Variants in SGK1 observed in about 807,000 individuals in gnomAD.
SGK1 encodes the protein serine/threonine-protein kinase Sgk1.
In SGK1, 26 loss-of-function variants were observed where a neutral mutation model predicts 64.2. The ratio of observed to expected loss-of-function variants is 0.40; its 90% CI spans 0.30 to 0.56. The LOEUF is 0.56. Among genes scored for constraint, SGK1 ranks in the 20% least tolerant of loss-of-function variants. The pLI is 0.38. For synonymous variants in SGK1, 265 were observed against 239.7 expected (o/e 1.11, Z -0.98); for missense variants, 519 against 645.6 (o/e 0.80, Z 2.12).
intron 2 of SGK1, among the ~76,000 whole-genome samples, chr6:134,227,874 T>C (rs1417924108): frequency 6.6e-6 from 1 of 151,920 alleles, no homozygotes. Flanking sequence ...TAAATATATT[T>C]CTTTTAACTC....
intron 1 of SGK1, among the ~76,000 whole-genome samples, chr6:134,309,750 A>C (rs1777584577): frequency 6.6e-6 from 1 of 152,188 alleles, no homozygotes; most frequent in Admixed American, 6.5e-5. Flanking sequence ...ACGCTCAAAC[A>C]AGCTGACAAG....
chr6:134,272,442 C>G (rs1234538928), intron 1 of SGK1, among the ~76,000 whole-genome samples: 1 of 146,858 alleles, frequency 6.8e-6, no homozygotes. Context: ...GCGTGAGCCA[C>G]TGCGCCTGGC....
chr6:134,228,483 A>C (rs1051540876), intron 2 of SGK1, among the ~76,000 whole-genome samples: 4 of 152,254 alleles, frequency 2.6e-5, no homozygotes, highest in Non-Finnish European at 5.9e-5. Context: ...TGAATAAACA[A>C]GTATTTCTAA....
At chr6:134,215,413 G>C (rs1029777585) in intron 2 of SGK1, among the ~76,000 whole-genome samples, 1 of 151,766 alleles carries the variant, frequency 6.6e-6, no homozygotes, top group Non-Finnish European at 1.5e-5. Context: ...ACGGCGCCTG[G>C]CCGAGAGTAA....
In SGK1 at chr6:134,173,553, T is replaced by G; in HGVS notation, c.527A>C (p.Gln176Pro). 1 of 1,600,658 alleles carries G rather than the reference T, an allele frequency of 6.2e-7. No homozygotes were observed. Among genetic ancestry groups the G allele is most frequent in the East Asian group, 2.2e-5 (1 of 44,798 alleles). ...ANPSPPPSPS[Q>P]QINLGPSSNP... ...GGACGACGGGCCAAGGTTGATTTGCTGAGAAGGACTTGGCTAGAAAAAAAA... is the reference window on the plus strand; with the variant it reads ...GGACGACGGGCCAAGGTTGATTTGCGGAGAAGGACTTGGCTAGAAAAAAAA... Residue 176 changes from glutamine to proline, a missense_variant, in exon 6 of 14, where the codon CAG (glutamine) becomes CCG (proline). This residue lies in a region of SGK1 where 241 missense variants were observed against 236.9 expected (regional missense o/e 1.02). Coordinates refer to ENST00000367858, the MANE Select transcript of SGK1 (RefSeq NM_001143676.3).
chr6:134,184,420 G>C (rs1414311037), intron 3 of SGK1, among the ~76,000 whole-genome samples: 1 of 146,824 alleles, frequency 6.8e-6, no homozygotes, highest in Non-Finnish European at 1.5e-5. Flanking sequence ...CAGGAGAGTT[G>C]CTTGAACGCA....
chr6:134,190,393 C>A (rs1373359058), intron 3 of SGK1, among the ~76,000 whole-genome samples: 4 of 150,914 alleles, frequency 2.7e-5, no homozygotes, highest in African/African-American at 9.8e-5. Context: ...TCAAGTGATT[C>A]TCCTGCCTCA....
At chr6:134,302,668 C>T (rs1777475284) in intron 1 of SGK1, among the ~76,000 whole-genome samples, 1 of 152,126 alleles carries the variant, frequency 6.6e-6, no homozygotes, top group South Asian at 2.1e-4. Context: ...GTGCTTAGTG[C>T]GTACCAGGCA....
intron 1 of SGK1, among the ~76,000 whole-genome samples, chr6:134,286,874 A>T (rs951143754): frequency 6.6e-6 from 1 of 152,232 alleles, no homozygotes; most frequent in Non-Finnish European, 1.5e-5. Flanking sequence ...GAAAAAGACA[A>T]GGACTAGGGC....
At chr6:134,180,744 G>A (rs934041471) in intron 3 of SGK1, among the ~76,000 whole-genome samples, 1 of 151,962 alleles carries the variant, frequency 6.6e-6, no homozygotes, top group Non-Finnish European at 1.5e-5. Flanking sequence ...ATGGTGGCAC[G>A]CCTGTAGTCC....
intron 2 of SGK1, among the ~76,000 whole-genome samples, chr6:134,250,951 A>AT (rs1776597770): frequency 6.6e-6 from 1 of 151,910 alleles, no homozygotes. Context: ...ATTTCATCGT[A>AT]TTTTTTGTAG....
At chr6:134,228,156 T>C (rs573616618) in intron 2 of SGK1, among the ~76,000 whole-genome samples, 2 of 152,198 alleles carry the variant, frequency 1.3e-5, no homozygotes, top group East Asian at 1.9e-4. Context: ...GTTTTCACCA[T>C]GTTGGCCAGG....
chr6:134,287,959 T>C (rs1202151284), intron 1 of SGK1, among the ~76,000 whole-genome samples: 1 of 152,174 alleles, frequency 6.6e-6, no homozygotes, highest in Non-Finnish European at 1.5e-5. Context: ...TTATTTTGTC[T>C]TACACAAAGA....
chr6:134,235,589 T>A (rs1451447667), intron 2 of SGK1, among the ~76,000 whole-genome samples: 5 of 142,464 alleles, frequency 3.5e-5, no homozygotes, highest in Admixed American at 7.0e-5. Context: ...TTATTTATTT[T>A]TGAGACAGTT....
intron 2 of SGK1, among the ~76,000 whole-genome samples, chr6:134,212,684 G>A (rs1775911786): frequency 6.6e-6 from 1 of 152,134 alleles, no homozygotes; most frequent in African/African-American, 2.4e-5. Flanking sequence ...CCACATACAA[G>A]TAATTAAAAT....
intron 2 of SGK1, among the ~76,000 whole-genome samples, chr6:134,222,079 T>C (rs1439676049): frequency 2.0e-5 from 3 of 152,214 alleles, no homozygotes; most frequent in African/African-American, 7.2e-5. Context: ...TTTTAACACA[T>C]GTATCTTCAT....
intron 1 of SGK1, among the ~76,000 whole-genome samples, chr6:134,277,620 TG>T (rs1777036809): frequency 6.6e-6 from 1 of 152,080 alleles, no homozygotes; most frequent in Non-Finnish European, 1.5e-5. Flanking sequence ...CAGCCTCACT[TG>T]GAGCTCTCTA....
intron 2 of SGK1, among the ~76,000 whole-genome samples, chr6:134,249,930 G>A (rs1776581481): frequency 6.6e-6 from 1 of 152,128 alleles, no homozygotes; most frequent in Non-Finnish European, 1.5e-5. Flanking sequence ...CCAAGTTAAT[G>A]CATTTAACGT....
chr6:134,250,065 A>T (rs529167133), intron 2 of SGK1, among the ~76,000 whole-genome samples: 1 of 152,308 alleles, frequency 6.6e-6, no homozygotes. Context: ...TCACATAGAA[A>T]TCTAGATGAA....
Sources: allele counts gnomAD v4.1 joint callset (sites outside exome capture counted in the v4.1 genomes callset), GRCh38; gene constraint gnomAD v4.1.1; regional missense constraint gnomAD v4.1.1; transcripts MANE v1.5; gene names NCBI Gene and HGNC (gene_info 2026-07-23, HGNC 2026-07-21).